CSMD1: variants seen among roughly 807,000 people sequenced by gnomAD.
CSMD1 encodes the protein CUB and sushi domain-containing protein 1.
Under a neutral mutation model 417.5 loss-of-function variants are expected in CSMD1, and 213 were observed. The observed-to-expected ratio is 0.51, with a 90% CI of 0.46 to 0.57. The LOEUF is 0.57. Ranked by LOEUF, CSMD1 falls within the 20% of genes least tolerant of loss-of-function variation. The pLI is 0.00. For synonymous variants in CSMD1, 2,862 were observed against 1,736.8 expected (o/e 1.65, Z -16.11); for missense variants, 6,923 against 4,529.7 (o/e 1.53, Z -15.17).
At chr8:3,922,091 A>G (rs1809317370) in intron 5 of CSMD1, among the ~76,000 whole-genome samples, 1 of 152,100 alleles carries the variant, frequency 6.6e-6, no homozygotes. Flanking sequence ...AATTTTATAT[A>G]GTTTTCATGA....
intron 5 of CSMD1, among the ~76,000 whole-genome samples, chr8:3,994,592 C>G (rs1815056627): frequency 6.6e-6 from 1 of 152,098 alleles, no homozygotes; most frequent in Non-Finnish European, 1.5e-5. Context: ...TGATAGGAAG[C>G]CAACCTGCAT....
At chr8:3,406,482 GGAGCTTA>G (rs1255347914) in intron 14 of CSMD1, among the ~76,000 whole-genome samples, 2 of 152,104 alleles carry the variant, frequency 1.3e-5, no homozygotes, top group Non-Finnish European at 2.9e-5. Context: ...ACTTTTCATA[GGAGCTTA>G]GACAAAGAGA....
chr8:4,055,469 T>C (rs1052763844), intron 3 of CSMD1, among the ~76,000 whole-genome samples: 3 of 151,930 alleles, frequency 2.0e-5, no homozygotes, highest in African/African-American at 4.8e-5. Flanking sequence ...TAATAAATTA[T>C]ATGAAATACA....
At chr8:3,837,136 G>A (rs1364809749) in intron 5 of CSMD1, among the ~76,000 whole-genome samples, 2 of 139,586 alleles carry the variant, frequency 1.4e-5, no homozygotes, top group Non-Finnish European at 3.1e-5. Flanking sequence ...AAAATTGAAA[G>A]TGTAGTCACT....
intron 3 of CSMD1, among the ~76,000 whole-genome samples, chr8:4,306,077 G>C (rs1220138529): frequency 6.6e-6 from 1 of 152,164 alleles, no homozygotes; most frequent in Non-Finnish European, 1.5e-5. Flanking sequence ...TTATGATTGT[G>C]AGAAATGTTA....
chr8:4,908,440 C>G (rs35896687), intron 1 of CSMD1, among the ~76,000 whole-genome samples: 63,052 of 151,966 alleles, frequency 0.41, 14,083 homozygotes, highest in East Asian at 0.81. Flanking sequence ...TCAAATCTAT[C>G]TTTCTCTGCT....
At position 3,259,917 on chromosome 8, in the gene CSMD1, A is replaced by C. The variant is rs139873641; in HGVS notation, c.4153+24227T>G. Reference sequence around the variant, plus strand: ...TTCAAACACATCTCTGACCACTCATACATGCGTTGTCTGTAGCTGCCTTTG... The same window carrying C: ...TTCAAACACATCTCTGACCACTCATCCATGCGTTGTCTGTAGCTGCCTTTG... On this transcript the variant is annotated intron_variant, in intron 26 of 69. Coordinates refer to ENST00000635120, the MANE Select transcript of CSMD1 (RefSeq NM_033225.6). Among the ~76,000 whole-genome samples the C allele has an allele frequency of 7.9e-4, 121 of 152,308 alleles. 1 individual carries two copies. The highest frequency in any genetic ancestry group is 2.7e-3 in the African/African-American group (113 of 41,570).
intron 2 of CSMD1, among the ~76,000 whole-genome samples, chr8:4,450,641 A>T (rs893472645): frequency 5.3e-5 from 8 of 152,098 alleles, no homozygotes; most frequent in African/African-American, 1.9e-4. Context: ...AAAGAAAAAA[A>T]AATTTGGTAC....
chr8:3,987,369 G>A (rs779955157), intron 5 of CSMD1, among the ~76,000 whole-genome samples: 2 of 152,146 alleles, frequency 1.3e-5, no homozygotes. Context: ...CTTATTTGTT[G>A]TTTATCACAT....
intron 3 of CSMD1, among the ~76,000 whole-genome samples, chr8:4,411,168 A>T (rs77217465): frequency 2.6e-5 from 4 of 152,174 alleles, no homozygotes; most frequent in Non-Finnish European, 4.4e-5. Flanking sequence ...TAAATTACCC[A>T]GTCTCAGGTA....
intron 2 of CSMD1, among the ~76,000 whole-genome samples, chr8:4,441,038 T>A (rs1474656977): frequency 6.8e-6 from 1 of 146,444 alleles, no homozygotes; most frequent in Admixed American, 7.1e-5. Context: ...TATATACATC[T>A]ATTATCATTT....
intron 5 of CSMD1, among the ~76,000 whole-genome samples, chr8:3,777,870 C>A (rs969654427): frequency 1.3e-4 from 19 of 150,202 alleles, no homozygotes; most frequent in Non-Finnish European, 2.4e-4. Context: ...CCACTCCAGA[C>A]CCGCAGTCTC....
At chr8:3,096,746 T>G (rs1304332665) in intron 47 of CSMD1, 103 bp downstream of exon 47, 1 of 814,872 alleles carries the variant, frequency 1.2e-6, no homozygotes, top group African/African-American at 1.7e-5. Flanking sequence ...AAACATAAGT[T>G]AACTCAAGAA....
intron 10 of CSMD1, among the ~76,000 whole-genome samples, chr8:3,559,362 A>C (rs1223973498): frequency 1.3e-5 from 2 of 152,222 alleles, no homozygotes; most frequent in Non-Finnish European, 2.9e-5. Context: ...TTAAAGGAGT[A>C]AGCTGATGGG....
At chr8:4,918,140 C>A (rs958237438) in intron 1 of CSMD1, among the ~76,000 whole-genome samples, 2 of 152,146 alleles carry the variant, frequency 1.3e-5, no homozygotes, top group South Asian at 2.1e-4. Context: ...CTGAAAAATT[C>A]TTCCTTTGAA....
chr8:3,863,483 C>G (rs1275878586), intron 5 of CSMD1, among the ~76,000 whole-genome samples: 3 of 151,966 alleles, frequency 2.0e-5, no homozygotes, highest in Non-Finnish European at 4.4e-5. Context: ...CATCTCCCTG[C>G]CTCTAAATAC....
chr8:4,850,498 T>G (rs1002909174), intron 1 of CSMD1, among the ~76,000 whole-genome samples: 1 of 150,340 alleles, frequency 6.7e-6, no homozygotes, highest in African/African-American at 2.5e-5. Context: ...ATTGCAAACA[T>G]TGGTTATTTT....
chr8:3,399,265 G>C (rs957562091), intron 16 of CSMD1, 126 bp downstream of exon 16: 6 of 780,188 alleles, frequency 7.7e-6, no homozygotes, highest in South Asian at 2.2e-5. Flanking sequence ...CCTGTTTCTG[G>C]TAAAGTGTGC....
intron 47 of CSMD1, among the ~76,000 whole-genome samples, chr8:3,096,385 G>A (rs982826717): frequency 1.1e-4 from 17 of 152,088 alleles, no homozygotes; most frequent in Non-Finnish European, 2.4e-4. Context: ...TCTCCTGATA[G>A]TAAGTCCCAC....
Sources: gnomAD v4.1 joint callset for allele counts (sites outside exome capture counted in the v4.1 genomes callset) on GRCh38, gnomAD v4.1.1 for gene constraint, MANE v1.5 for transcripts, NCBI Gene and HGNC (gene_info 2026-07-23, HGNC 2026-07-21) for gene names.